The following BIN3 variants were observed in gnomAD, a reference collection of about 807,000 sequenced individuals.
BIN3 encodes the protein bridging integrator 3.
In BIN3, 41 loss-of-function variants were observed where a neutral mutation model predicts 38.2. That is an observed-to-expected ratio of 1.07 (90% CI 0.84 to 1.39). The LOEUF is 1.39. Ranked by LOEUF, BIN3 falls within the 40% of genes most tolerant of loss-of-function variation. The pLI is 0.00. For synonymous variants in BIN3, 145 were observed against 122.6 expected, an observed-to-expected ratio of 1.18 and a Z score of -1.21; for missense variants, 361 against 324.3, an observed-to-expected ratio of 1.11 and a Z score of -0.87.
At chr8:22,643,356 G>T (rs921973678) in intron 2 of BIN3, among the ~76,000 whole-genome samples, 1 of 152,116 alleles carries the variant, frequency 6.6e-6, no homozygotes, top group African/African-American at 2.4e-5. Context: ...TAACAGACAG[G>T]GTCTCAGTCT....
intron 1 of BIN3, among the ~76,000 whole-genome samples, chr8:22,656,570 C>T (rs112948041): frequency 4.6e-5 from 7 of 152,166 alleles, no homozygotes; most frequent in African/African-American, 1.7e-4. Context: ...TATTTATTGC[C>T]TTATGTTATT....
At chr8:22,651,088 A>G (rs1802875520) in intron 1 of BIN3, among the ~76,000 whole-genome samples, 1 of 152,212 alleles carries the variant, frequency 6.6e-6, no homozygotes, top group African/African-American at 2.4e-5. Flanking sequence ...CCACTCCCAA[A>G]TTCCTGACCA....
chr8:22,623,109 G>A (rs1191851865), intron 8 of BIN3, among the ~76,000 whole-genome samples: 1 of 152,244 alleles, frequency 6.6e-6, no homozygotes, highest in African/African-American at 2.4e-5. Context: ...GAGCCACAGG[G>A]ACCTGGCAGG....
chr8:22,624,477 C>A, intron 6 of BIN3, 114 bp from the exon 7 acceptor site: 1 of 1,395,216 alleles, frequency 7.2e-7, no homozygotes, highest in Admixed American at 2.2e-5. Flanking sequence ...CTTGGAGGGG[C>A]GTCCTGGCCA....
chr8:22,637,065 A>T, intron 2 of BIN3, 103 bp from the exon 3 acceptor site: 1 of 1,004,856 alleles, frequency 1.0e-6, no homozygotes, highest in Non-Finnish European at 1.5e-6. Context: ...CAGTCCGCAG[A>T]AAACAACATG....
intron 2 of BIN3, among the ~76,000 whole-genome samples, chr8:22,639,608 G>A (rs1378041935): frequency 2.0e-5 from 3 of 152,224 alleles, no homozygotes; most frequent in East Asian, 1.9e-4. Flanking sequence ...GAGGCAGTGC[G>A]TGTAGAGCAG....
chr8:22,629,879 G>T, intron 6 of BIN3, 85 bp downstream of exon 6: 1 of 1,322,984 alleles, frequency 7.6e-7, no homozygotes, highest in South Asian at 1.3e-5. Flanking sequence ...GGGACACGCA[G>T]CTAGAAATCC....
rs777920764 is a variant in BIN3, at chr8:22,629,999, G to A, written c.303C>T (p.Asn101=). The change falls in exon 6 of 9, where the codon AAC becomes AAT. Residue 101 remains asparagine, a synonymous_variant. Coordinates refer to ENST00000276416, the MANE Select transcript of BIN3 (RefSeq NM_018688.6). ...RMDAFNQEKV[N]QIQKTVIEPL... ...GCTCGATCACAGTCTTCTGGATCTG[G>A]TTCACCTGTCAAAGAAAAACCCAAA... 20 of 1,609,472 alleles carry A rather than the reference G, an allele frequency of 1.2e-5. No individual in the cohort carries two copies. Among genetic ancestry groups the A allele is most frequent in the Admixed American group, 1.7e-5 (1 of 59,410 alleles).
chr8:22,623,899 C>A lies in BIN3; in HGVS notation c.615+16G>T, dbSNP rs757070444. ...GTGTATACCAAGCCCAGGGGAAGAG[C>A]ACCTGGCGGCCTCACCTGAGCTCGG... is the stretch of plus-strand genomic sequence containing the variant. On this transcript the variant is annotated intron_variant, in intron 8 of 8. Coordinates refer to ENST00000276416, the MANE Select transcript of BIN3 (RefSeq NM_018688.6). 1.2e-6 allele frequency: 2 copies of A among 1,609,488 alleles called. No homozygotes were observed. Among genetic ancestry groups the A allele is most frequent in the Non-Finnish European group, 1.7e-6 (2 of 1,178,426 alleles).
At chr8:22,640,253 C>T (rs910013838) in intron 2 of BIN3, among the ~76,000 whole-genome samples, 1 of 152,128 alleles carries the variant, frequency 6.6e-6, no homozygotes, top group Admixed American at 6.5e-5. Flanking sequence ...TCTCTGCTCA[C>T]TGCAACCTCT....
intron 1 of BIN3, among the ~76,000 whole-genome samples, chr8:22,648,858 GT>G (rs1333086358): frequency 6.6e-6 from 1 of 152,024 alleles, no homozygotes; most frequent in Non-Finnish European, 1.5e-5. Context: ...AGCTCTTTCA[GT>G]TGGCTTCTGT....
intron 8 of BIN3, among the ~76,000 whole-genome samples, chr8:22,623,544 A>G (rs1390619447): frequency 6.6e-6 from 1 of 152,198 alleles, no homozygotes; most frequent in East Asian, 1.9e-4. Flanking sequence ...AAAGGCCTCC[A>G]TTCTCCAGAT....
intron 2 of BIN3, among the ~76,000 whole-genome samples, chr8:22,637,801 G>A (rs929682567): frequency 5.9e-5 from 9 of 152,202 alleles, no homozygotes; most frequent in East Asian, 3.8e-4. Flanking sequence ...AGCTGCAGCC[G>A]TCAGGTGCCA....
At chr8:22,644,648 T>C (rs945647081) in intron 2 of BIN3, 107 bp downstream of exon 2, 14 of 1,081,878 alleles carry the variant, frequency 1.3e-5, no homozygotes, top group Non-Finnish European at 1.7e-5. Context: ...AAGGCCCAGG[T>C]TGCTGTCTTC....
intron 1 of BIN3, among the ~76,000 whole-genome samples, chr8:22,652,306 C>G (rs146575059): frequency 3.3e-5 from 5 of 152,194 alleles, no homozygotes; most frequent in Non-Finnish European, 7.3e-5. Flanking sequence ...TCTGAGCACA[C>G]GAACCATGTT....
At chr8:22,667,980 G>A (rs139203396) in intron 1 of BIN3, among the ~76,000 whole-genome samples, 2 of 152,256 alleles carry the variant, frequency 1.3e-5, no homozygotes, top group Non-Finnish European at 2.9e-5. Flanking sequence ...GTTATCATGC[G>A]CTTTGCATAA....
At chr8:22,625,493 C>G (rs1184394426) in intron 6 of BIN3, 7 of 691,024 alleles carry the variant, frequency 1.0e-5, no homozygotes, top group African/African-American at 8.8e-5. Flanking sequence ...CATAGGCACT[C>G]AGAGTTGAGA....
intron 1 of BIN3, among the ~76,000 whole-genome samples, chr8:22,663,203 TATAA>T (rs1023926577): frequency 5.6e-5 from 5 of 90,022 alleles, no homozygotes; most frequent in African/African-American, 2.6e-4. Context: ...TTATTTCAAG[TATAA>T]GTGTGTGTGT....
intron 1 of BIN3, among the ~76,000 whole-genome samples, chr8:22,649,389 C>T (rs1036498412): frequency 8.1e-5 from 12 of 147,486 alleles, no homozygotes; most frequent in Non-Finnish European, 1.5e-4. Flanking sequence ...AGTATTCACA[C>T]GAGAAACAGT....
Sources: gnomAD v4.1 joint callset for allele counts (sites outside exome capture counted in the v4.1 genomes callset) on GRCh38, gnomAD v4.1.1 for gene constraint, MANE v1.5 for transcripts, NCBI Gene and HGNC (gene_info 2026-07-23, HGNC 2026-07-21) for gene names.